COP1: variants seen among roughly 807,000 people sequenced by gnomAD.
COP1 encodes E3 ubiquitin-protein ligase COP1.
COP1 carries 24 observed loss-of-function variants against 101.3 expected under a neutral mutation model. The ratio of observed to expected loss-of-function variants is 0.24; its 90% CI spans 0.17 to 0.33. The LOEUF is 0.33. Among genes scored for constraint, COP1 ranks in the 10% least tolerant of loss-of-function variants. COP1 has a pLI of 1.00. For missense variants in COP1, 663 were observed against 906.2 expected (o/e 0.73, Z 3.45); for synonymous variants, 347 against 341.9 (o/e 1.01, Z -0.17).
intron 15 of COP1, among the ~76,000 whole-genome samples, chr1:176,019,323 C>G (rs895106831): frequency 9.2e-5 from 14 of 151,428 alleles, no homozygotes; most frequent in African/African-American, 3.1e-4. Flanking sequence ...ATTAGCTGAG[C>G]ATGGTGGTGT....
chr1:176,065,799 C>G (rs1675849555), intron 11 of COP1, among the ~76,000 whole-genome samples: 1 of 151,684 alleles, frequency 6.6e-6, no homozygotes, highest in African/African-American at 2.4e-5. Flanking sequence ...CCTCCACCCC[C>G]TGGGTTCAAG....
intron 9 of COP1, among the ~76,000 whole-genome samples, chr1:176,114,501 A>C (rs1685843982): frequency 6.6e-6 from 1 of 151,956 alleles, no homozygotes; most frequent in South Asian, 2.1e-4. Flanking sequence ...TTTTCAAATA[A>C]AGTGAATATA....
chr1:176,040,805 C>T (rs780617442), intron 14 of COP1, among the ~76,000 whole-genome samples: 17 of 152,014 alleles, frequency 1.1e-4, no homozygotes, highest in Non-Finnish European at 1.8e-4. Flanking sequence ...TAACATGATG[C>T]GAAATAAAGC....
chr1:176,140,383 T>C lies in COP1; in HGVS notation c.832-3836A>G, dbSNP rs191020695. The stretch of plus-strand genomic sequence containing the variant: ...ATGATATAACCTATCCGTAAGAAAG[T>C]CTGACAAGGTATCAGGCAAGAAATA... On this transcript the variant is annotated intron_variant, in intron 6 of 19. Coordinates refer to ENST00000367669, the MANE Select transcript of COP1 (RefSeq NM_022457.7). 8.5e-5 allele frequency among the ~76,000 whole-genome samples: 13 copies of C among 152,296 alleles called. No homozygotes were observed. In the East Asian group the frequency reaches 2.3e-3, roughly 27 times the overall value.
chr1:176,133,908 A>G (rs935220988), intron 8 of COP1: 1 of 429,280 alleles, frequency 2.3e-6, no homozygotes, highest in African/African-American at 2.2e-5. Flanking sequence ...AGGCTTAAAG[A>G]TAACAATATA....
chr1:176,019,417 C>T (rs1181094072), intron 15 of COP1, among the ~76,000 whole-genome samples: 1 of 148,000 alleles, frequency 6.8e-6, no homozygotes, highest in Admixed American at 6.8e-5. Flanking sequence ...GAGCTGAGAC[C>T]ATGCCACTGC....
chr1:176,139,296 AAAAAC>A (rs1460670294), intron 6 of COP1, among the ~76,000 whole-genome samples: 2 of 145,106 alleles, frequency 1.4e-5, no homozygotes, highest in African/African-American at 4.9e-5. Flanking sequence ...AACAAAAAAA[AAAAAC>A]AAAAAAAGAG....
chr1:176,061,772 T>C (rs1674891051), intron 11 of COP1, among the ~76,000 whole-genome samples: 2 of 151,772 alleles, frequency 1.3e-5, no homozygotes, highest in Non-Finnish European at 2.9e-5. Context: ...AGAAGAAAAA[T>C]CTTCGGGGCA....
At chr1:175,961,432 A>G (rs922016846) in intron 18 of COP1, among the ~76,000 whole-genome samples, 2 of 152,198 alleles carry the variant, frequency 1.3e-5, no homozygotes, top group Admixed American at 6.5e-5. Flanking sequence ...ATTAGGGTAG[A>G]TATCACATGC....
chr1:176,172,707 G>A (rs552923282), intron 3 of COP1, among the ~76,000 whole-genome samples: 14 of 152,288 alleles, frequency 9.2e-5, no homozygotes, highest in African/African-American at 3.4e-4. Flanking sequence ...GTCTTAAGCT[G>A]AAGCAATGAA....
At chr1:176,160,978 A>T (rs984229369) in intron 5 of COP1, among the ~76,000 whole-genome samples, 2 of 152,196 alleles carry the variant, frequency 1.3e-5, no homozygotes, top group African/African-American at 2.4e-5. Flanking sequence ...ACTGCTTCTT[A>T]AACAGATTCT....
intron 18 of COP1, among the ~76,000 whole-genome samples, chr1:175,983,214 T>C (rs1031954834): frequency 6.6e-6 from 1 of 152,154 alleles, no homozygotes; most frequent in African/African-American, 2.4e-5. Context: ...TCCTCTGATA[T>C]GGTTTGGGTG....
intron 1 of COP1, among the ~76,000 whole-genome samples, chr1:176,191,873 T>C (rs905516850): frequency 2.0e-5 from 3 of 152,124 alleles, no homozygotes; most frequent in African/African-American, 7.2e-5. Flanking sequence ...GCTCTATGAA[T>C]AAGGAGACGA....
intron 18 of COP1, among the ~76,000 whole-genome samples, chr1:175,976,118 A>C (rs994028177): frequency 3.9e-5 from 6 of 152,142 alleles, no homozygotes; most frequent in Non-Finnish European, 7.3e-5. Context: ...AGAAAATAAG[A>C]ATATTGGTAA....
intron 8 of COP1, among the ~76,000 whole-genome samples, chr1:176,128,710 TTG>T (rs1328225760): frequency 2.0e-5 from 3 of 151,992 alleles, no homozygotes; most frequent in African/African-American, 4.8e-5. Flanking sequence ...ATTTCCTGTA[TTG>T]TCATAATCTT....
chr1:176,022,982 G>C (rs1667013973), intron 15 of COP1, among the ~76,000 whole-genome samples: 1 of 152,200 alleles, frequency 6.6e-6, no homozygotes, highest in Admixed American at 6.5e-5. Flanking sequence ...AAGCACCATT[G>C]TAGAGATGTG....
chr1:176,116,258 A>G (rs1475097948), intron 9 of COP1, among the ~76,000 whole-genome samples: 1 of 152,072 alleles, frequency 6.6e-6, no homozygotes, highest in Non-Finnish European at 1.5e-5. Flanking sequence ...GTGCACTTCC[A>G]TAGGGCCAGC....
chr1:175,954,665 A>G (rs1009522768), intron 18 of COP1, among the ~76,000 whole-genome samples: 4 of 152,164 alleles, frequency 2.6e-5, no homozygotes, highest in Non-Finnish European at 5.9e-5. Flanking sequence ...TCTATGAAAG[A>G]TACAAATTCC....
rs115027443 is a variant in COP1, at chr1:175,980,864, C to T, written c.2133+6079G>A. 6.2e-3 allele frequency among the ~76,000 whole-genome samples: 943 copies of T among 152,210 alleles called. 14 individuals carry two copies. Among genetic ancestry groups the T allele is most frequent in the African/African-American group, 0.021 (890 of 41,542 alleles). On this transcript the variant is annotated intron_variant, in intron 18 of 19. Transcript: ENST00000367669. ...CAAAACAATAATAGGGTATCTGCAG[C>T]CTCAAAAGAAGTTACTATGGACTCA...
Sources: allele counts gnomAD v4.1 joint callset (sites outside exome capture counted in the v4.1 genomes callset), GRCh38; gene constraint gnomAD v4.1.1; transcripts MANE v1.5; gene names NCBI Gene and HGNC (gene_info 2026-07-23, HGNC 2026-07-21).